Variants in SDK1 observed in about 807,000 individuals in gnomAD.
SDK1 encodes the protein protein sidekick-1.
SDK1 carries 157 observed loss-of-function variants against 245.5 expected under a neutral mutation model. The observed-to-expected ratio is 0.64, with a 90% CI of 0.56 to 0.73. SDK1 has a LOEUF of 0.73. Ranked by LOEUF, SDK1 falls within the 30% of genes least tolerant of loss-of-function variation. The probability of loss-of-function intolerance (pLI) is 0.00; values close to 1 mark genes in which losing one functional copy is unlikely to be tolerated. For synonymous variants in SDK1, 1,647 were observed against 1,278.5 expected, an observed-to-expected ratio of 1.29 and a Z score of -6.15; for missense variants, 3,583 against 3,002.3, an observed-to-expected ratio of 1.19 and a Z score of -4.52.
At chr7:3,726,691 T>C (rs1779017894) in intron 4 of SDK1, among the ~76,000 whole-genome samples, 2 of 152,216 alleles carry the variant, frequency 1.3e-5, no homozygotes, top group Non-Finnish European at 2.9e-5. Flanking sequence ...TCAACCACTG[T>C]GTTCTCTCAT....
intron 40 of SDK1, among the ~76,000 whole-genome samples, chr7:4,228,651 T>C (rs764922659): frequency 2.3e-4 from 35 of 152,348 alleles, no homozygotes; most frequent in Non-Finnish European, 3.8e-4. Flanking sequence ...GCGATTCTCC[T>C]GCCTCAGTCT....
chr7:3,663,397 A>C (rs748378445), intron 4 of SDK1, among the ~76,000 whole-genome samples: 2 of 152,168 alleles, frequency 1.3e-5, no homozygotes, highest in South Asian at 2.1e-4. Context: ...TAAATGAAAT[A>C]TATAGGGAAG....
chr7:3,824,107 C>T (rs1051616122), intron 5 of SDK1, among the ~76,000 whole-genome samples: 82 of 152,208 alleles, frequency 5.4e-4, no homozygotes, highest in African/African-American at 2.0e-3. Flanking sequence ...CACTGCAGTT[C>T]AGGACCTGGC....
chr7:3,927,494 C>G (rs1043890723), intron 5 of SDK1, among the ~76,000 whole-genome samples: 1 of 152,306 alleles, frequency 6.6e-6, no homozygotes, highest in South Asian at 2.1e-4. Flanking sequence ...GAAACAGAAG[C>G]CTGCCAGGGT....
chr7:3,801,725 C>A (rs947887427), intron 4 of SDK1, among the ~76,000 whole-genome samples: 14 of 152,300 alleles, frequency 9.2e-5, no homozygotes, highest in African/African-American at 3.1e-4. Flanking sequence ...TCTCCTCTTG[C>A]TTCCTTGGCC....
In SDK1 at chr7:4,034,825, G is replaced by A. The variant is rs10247947; in HGVS notation, c.2603-14523G>A. ...TAGACCATGGTATATCCACAAGATG[G>A]CATATTATATATCATAACAGAAAGA... On this transcript the variant is annotated intron_variant, in intron 17 of 44. Coordinates refer to ENST00000404826, the MANE Select transcript of SDK1 (RefSeq NM_152744.4). Among the ~76,000 whole-genome samples, 444 of 152,290 alleles carry A rather than the reference G, an allele frequency of 2.9e-3. 2 individuals are homozygous for A. The highest frequency in any genetic ancestry group is 1.0e-2 in the African/African-American group (415 of 41,562).
At chr7:4,259,572 C>T (rs1787848837) in intron 44 of SDK1, among the ~76,000 whole-genome samples, 1 of 152,162 alleles carries the variant, frequency 6.6e-6, no homozygotes, top group Admixed American at 6.5e-5. Context: ...GGAACTGCTC[C>T]AGTAGGGCCG....
rs537365395 is a variant in SDK1 at position 3,546,060 on chromosome 7, T to A, written c.299-73020T>A. ...ATTACACAAGTGATATAACTTTTAA[T>A]CGTTGGGATGCAAAACAGTGGTTCT... On this transcript the variant is annotated intron_variant, in intron 1 of 44. Coordinates refer to ENST00000404826, the MANE Select transcript of SDK1 (RefSeq NM_152744.4). 3.9e-5 allele frequency among the ~76,000 whole-genome samples: 6 copies of A among 152,332 alleles called. No homozygotes were observed. The East Asian group carries it at 9.7e-4, about 25-fold the overall frequency.
chr7:4,104,309 CT>C (rs1283115587), intron 22 of SDK1, among the ~76,000 whole-genome samples: 8 of 152,214 alleles, frequency 5.3e-5, no homozygotes, highest in African/African-American at 1.7e-4. Flanking sequence ...AAACCTCCCG[CT>C]TTGGCCTCCT....
rs147999640 is a variant in SDK1 at position 3,836,392 on chromosome 7, G to C, written c.847+14809G>C. Among the ~76,000 whole-genome samples, 389 of 152,258 alleles carry C rather than the reference G, an allele frequency of 2.6e-3. 1 individual carries two copies. The highest frequency in any genetic ancestry group is 9.1e-3 in the African/African-American group (379 of 41,536). On this transcript the variant is annotated intron_variant, in intron 5 of 44. Transcript: ENST00000404826. Reference sequence around the variant, plus strand: ...TAAAAAGTACGGCATTAGTCAGTTTGAGTTGCTGTACAAGATACCCATTCA... The same window carrying C: ...TAAAAAGTACGGCATTAGTCAGTTTCAGTTGCTGTACAAGATACCCATTCA...
At chr7:4,150,396 G>T (rs764808193) in intron 30 of SDK1, among the ~76,000 whole-genome samples, 16 of 152,322 alleles carry the variant, frequency 1.1e-4, no homozygotes, top group Middle Eastern at 3.4e-3. Flanking sequence ...TGACTAAGAG[G>T]GTAGAGGGGC....
intron 5 of SDK1, among the ~76,000 whole-genome samples, chr7:3,934,205 G>A (rs1460464822): frequency 3.3e-5 from 5 of 152,214 alleles, no homozygotes; most frequent in Admixed American, 6.5e-5. Flanking sequence ...TTAAGGAGGG[G>A]CCATAATTGT....
At chr7:3,458,389 A>G (rs956647079) in intron 1 of SDK1, among the ~76,000 whole-genome samples, 1 of 152,154 alleles carries the variant, frequency 6.6e-6, no homozygotes, top group African/African-American at 2.4e-5. Context: ...GAGTAGGTCC[A>G]TATAATACAT....
chr7:3,758,785 C>T (rs577126228), intron 4 of SDK1, among the ~76,000 whole-genome samples: 3 of 152,188 alleles, frequency 2.0e-5, no homozygotes, highest in African/African-American at 7.2e-5. Context: ...CTTGTAGCCC[C>T]TGTGCTGTCA....
intron 2 of SDK1, among the ~76,000 whole-genome samples, chr7:3,631,029 C>T (rs1452019015): frequency 6.6e-6 from 1 of 152,096 alleles, no homozygotes; most frequent in Non-Finnish European, 1.5e-5. Flanking sequence ...GCCACCCCAG[C>T]TCAAGTGATC....
At chr7:3,600,828 A>G (rs772251493) in intron 1 of SDK1, among the ~76,000 whole-genome samples, 1 of 152,126 alleles carries the variant, frequency 6.6e-6, no homozygotes, top group Non-Finnish European at 1.5e-5. Context: ...AATTACAGGC[A>G]TTAGCCACCG....
At chr7:3,502,923 A>G (rs1017357305) in intron 1 of SDK1, among the ~76,000 whole-genome samples, 3 of 152,200 alleles carry the variant, frequency 2.0e-5, no homozygotes, top group Admixed American at 2.0e-4. Flanking sequence ...ATGCTGATCT[A>G]ACCAAATGAT....
chr7:4,174,084 G>A (rs560878094), intron 32 of SDK1, 138 bp from the exon 33 acceptor site: 4 of 870,130 alleles, frequency 4.6e-6, no homozygotes, highest in Non-Finnish European at 7.3e-6. Context: ...TCGTCTTGAT[G>A]AATCTGACAC....
At chr7:3,597,448 G>C (rs955065799) in intron 1 of SDK1, among the ~76,000 whole-genome samples, 1 of 152,242 alleles carries the variant, frequency 6.6e-6, no homozygotes, top group Admixed American at 6.5e-5. Context: ...GCAGAACAGT[G>C]GGTTTTGTAA....
Sources: gnomAD v4.1 joint callset for allele counts (sites outside exome capture counted in the v4.1 genomes callset) on GRCh38, gnomAD v4.1.1 for gene constraint, MANE v1.5 for transcripts, NCBI Gene and HGNC (gene_info 2026-07-23, HGNC 2026-07-21) for gene names.